The following SEL1L2 variants were observed in gnomAD, a reference collection of about 807,000 sequenced individuals.
SEL1L2 encodes SEL1L2 adaptor subunit of SYVN1 ubiquitin ligase.
In SEL1L2, 89 loss-of-function variants were observed where a neutral mutation model predicts 98.8. That is an observed-to-expected ratio of 0.90 (90% CI 0.76 to 1.07). The LOEUF (loss-of-function observed/expected upper bound fraction) is 1.07. Among genes scored for constraint, SEL1L2 ranks in the 50% least tolerant of loss-of-function variants. The pLI is 0.00. For synonymous variants in SEL1L2, 262 were observed against 278.5 expected (o/e 0.94, Z 0.59); for missense variants, 788 against 812.0 (o/e 0.97, Z 0.36).
intron 12 of SEL1L2, among the ~76,000 whole-genome samples, chr20:13,872,288 A>G (rs1024347557): frequency 3.2e-4 from 49 of 152,196 alleles, no homozygotes; most frequent in Non-Finnish European, 1.5e-4. Flanking sequence ...TATAATCCCC[A>G]TGCATCATGG....
At chr20:13,879,610 C>T (rs1170078552) in intron 10 of SEL1L2, among the ~76,000 whole-genome samples, 2 of 152,072 alleles carry the variant, frequency 1.3e-5, no homozygotes, top group Admixed American at 1.3e-4. Context: ...ATTTCGACCT[C>T]CCATAGTGCT....
intron 3 of SEL1L2, among the ~76,000 whole-genome samples, chr20:13,924,010 G>A (rs938620343): frequency 1.3e-5 from 2 of 152,132 alleles, no homozygotes; most frequent in African/African-American, 4.8e-5. Flanking sequence ...TACATGCTTA[G>A]AATTATCACA....
chr20:13,959,053 G>A (rs1448135337), intron 1 of SEL1L2, among the ~76,000 whole-genome samples: 1 of 152,110 alleles, frequency 6.6e-6, no homozygotes, highest in Non-Finnish European at 1.5e-5. Context: ...AAAACTACAT[G>A]GGAAGTTGCC....
At chr20:13,994,433 TTTCTC>T (rs1404445908), upstream of SEL1L2, among the ~76,000 whole-genome samples, 24 of 152,270 alleles carry the variant, frequency 1.6e-4, no homozygotes, top group Admixed American at 7.8e-4. Flanking sequence ...CTTTCTTCCT[TTTCTC>T]TTCTATTATT....
chr20:13,904,792 T>G (rs1314265751), intron 5 of SEL1L2, among the ~76,000 whole-genome samples: 1 of 152,240 alleles, frequency 6.6e-6, no homozygotes, highest in Non-Finnish European at 1.5e-5. Context: ...CTGCTCAATT[T>G]AGAATCTAAT....
chr20:13,986,143 C>G (rs1464207015), intron 1 of SEL1L2, among the ~76,000 whole-genome samples: 1 of 152,064 alleles, frequency 6.6e-6, no homozygotes, highest in Non-Finnish European at 1.5e-5. Flanking sequence ...TGGATATATA[C>G]CTAGCAATGG....
chr20:13,864,194 C>A (rs530169037), intron 17 of SEL1L2, among the ~76,000 whole-genome samples: 7 of 152,152 alleles, frequency 4.6e-5, no homozygotes, highest in Non-Finnish European at 1.0e-4. Flanking sequence ...AAAACATAGA[C>A]TTTTTAAGGG....
intron 3 of SEL1L2, among the ~76,000 whole-genome samples, chr20:13,922,100 T>C (rs2048690107): frequency 6.6e-6 from 1 of 152,218 alleles, no homozygotes; most frequent in Non-Finnish European, 1.5e-5. Flanking sequence ...TTCTGCTAAA[T>C]TAAAGGTTTT....
chr20:13,989,135 A>T (rs1235482649), intron 1 of SEL1L2, among the ~76,000 whole-genome samples: 1 of 152,232 alleles, frequency 6.6e-6, no homozygotes, highest in Non-Finnish European at 1.5e-5. Context: ...CTTTTCATGT[A>T]GTGAAGTCTT....
chr20:13,984,346 A>C (rs1402657531), intron 1 of SEL1L2, among the ~76,000 whole-genome samples: 1 of 152,098 alleles, frequency 6.6e-6, no homozygotes, highest in Non-Finnish European at 1.5e-5. Flanking sequence ...TTCTCCACTG[A>C]AACTGTCCTG....
At chr20:13,863,228 A>G (rs1414906098) in intron 17 of SEL1L2, among the ~76,000 whole-genome samples, 2 of 152,214 alleles carry the variant, frequency 1.3e-5, no homozygotes, top group Admixed American at 6.5e-5. Context: ...CTCCTGGGCT[A>G]TAACCACAAA....
chr20:13,930,638 T>C (rs2049102767), intron 3 of SEL1L2, among the ~76,000 whole-genome samples: 1 of 152,126 alleles, frequency 6.6e-6, no homozygotes, highest in South Asian at 2.1e-4. Context: ...TGGAGCTAAA[T>C]GTGAGGAAAA....
At chr20:13,959,609 C>T (rs985715142) in intron 1 of SEL1L2, among the ~76,000 whole-genome samples, 1 of 152,214 alleles carries the variant, frequency 6.6e-6, no homozygotes, top group Non-Finnish European at 1.5e-5. Flanking sequence ...CCTGACCTGT[C>T]GCCAACCGAC....
chr20:13,903,136 A>C (rs2047760136), intron 5 of SEL1L2, among the ~76,000 whole-genome samples: 1 of 151,116 alleles, frequency 6.6e-6, no homozygotes, highest in Admixed American at 6.6e-5. Context: ...AAAAAAAAAA[A>C]GTTAAAATTC....
chr20:13,860,187 T>C (rs972923227), intron 17 of SEL1L2, among the ~76,000 whole-genome samples: 6 of 152,210 alleles, frequency 3.9e-5, no homozygotes, highest in African/African-American at 1.4e-4. Context: ...AAACACGCTC[T>C]GGCATCTTCT....
intron 5 of SEL1L2, 128 bp downstream of exon 5, chr20:13,913,654 T>C: frequency 1.2e-6 from 1 of 824,252 alleles, no homozygotes; most frequent in Non-Finnish European, 1.7e-6. Context: ...TTCAGTGCAT[T>C]ATGGTAACCT....
At chr20:13,878,307 C>CTT (rs5840586) in intron 10 of SEL1L2, among the ~76,000 whole-genome samples, 295 of 145,086 alleles carry the variant, frequency 2.0e-3, no homozygotes, top group Middle Eastern at 3.5e-3. Flanking sequence ...TGAAACCGCT[C>CTT]TTTTTTTTTT....
At chr20:13,918,299 G>A (rs1355461024) in intron 4 of SEL1L2, among the ~76,000 whole-genome samples, 2 of 152,202 alleles carry the variant, frequency 1.3e-5, no homozygotes, top group Non-Finnish European at 2.9e-5. Context: ...ACCAGTAAAT[G>A]AGAGAGCTAG....
chr20:13,933,743 G>A (rs530661778), intron 2 of SEL1L2, among the ~76,000 whole-genome samples: 2 of 152,132 alleles, frequency 1.3e-5, no homozygotes, highest in East Asian at 3.9e-4. Context: ...CAGACAGAAA[G>A]AGAAAGAGCC....
Sources: gnomAD v4.1 joint callset for allele counts (sites outside exome capture counted in the v4.1 genomes callset) on GRCh38, gnomAD v4.1.1 for gene constraint, MANE v1.5 for transcripts, NCBI Gene and HGNC (gene_info 2026-07-23, HGNC 2026-07-21) for gene names.